ZNF618: variants seen among roughly 807,000 people sequenced by gnomAD.
ZNF618 encodes the protein zinc finger protein 618, also known as neural precursor cell expressed, developmentally down-regulated 10.
Under a neutral mutation model 103.0 loss-of-function variants are expected in ZNF618, and 34 were observed. The observed-to-expected ratio is 0.33, with a 90% CI of 0.25 to 0.44. ZNF618 has a LOEUF of 0.44. Among genes scored for constraint, ZNF618 ranks in the 20% least tolerant of loss-of-function variants. ZNF618 has a pLI of 1.00. For synonymous variants in ZNF618, 551 were observed against 542.2 expected, an observed-to-expected ratio of 1.02 and a Z score of -0.23; for missense variants, 1,059 against 1,295.4, an observed-to-expected ratio of 0.82 and a Z score of 2.80.
At chr9:113,879,466 G>T (rs1280913662) in intron 1 of ZNF618, among the ~76,000 whole-genome samples, 2 of 148,258 alleles carry the variant, frequency 1.3e-5, no homozygotes, top group African/African-American at 5.0e-5. Context: ...GTGCATGATG[G>T]TTCTATTGGG....
At chr9:113,957,127 G>A (rs760206633) in intron 1 of ZNF618, among the ~76,000 whole-genome samples, 2 of 152,154 alleles carry the variant, frequency 1.3e-5, no homozygotes, top group South Asian at 2.1e-4. Flanking sequence ...AATAAATCCC[G>A]CCGGCCGGAG....
intron 1 of ZNF618, among the ~76,000 whole-genome samples, chr9:113,962,207 G>A (rs1221786841): frequency 6.6e-6 from 1 of 152,108 alleles, no homozygotes; most frequent in Non-Finnish European, 1.5e-5. Flanking sequence ...TTGGTGCTAA[G>A]GCCCATGATT....
chr9:113,929,126 A>G (rs1403277951), intron 1 of ZNF618, among the ~76,000 whole-genome samples: 1 of 152,210 alleles, frequency 6.6e-6, no homozygotes, highest in African/African-American at 2.4e-5. Context: ...TTATTGTCTA[A>G]TCTCCACCAT....
rs761662307 is a variant in ZNF618, at chr9:114,050,021, G to A, written c.2719G>A (p.Ala907Thr). ...AAAGCACACAAAACTCGCCAAGCTC[G>A]CCTTCTGGCTCCTGGCGGTTCCGGC... is the stretch of plus-strand genomic sequence containing the variant. ...TQKHTKLAKLAFWLLAVPAVG... is the reference protein window; with the variant it reads ...TQKHTKLAKLTFWLLAVPAVG... The change falls in exon 15 of 15, where the codon GCC becomes ACC. Residue 907 changes from alanine (A) to threonine (T), a missense_variant. By Grantham distance (58) the Ala-to-Thr change is moderately conservative. Around this residue, in one of 6 missense-constraint regions of ZNF618, gnomAD observed 156 missense variants for 197.1 expected, o/e 0.79. Coordinates refer to ENST00000374126, the MANE Select transcript of ZNF618 (RefSeq NM_001318042.2). 6.2e-7 allele frequency: 1 copy of A among 1,613,874 alleles called. No individual in the cohort carries two copies. Among genetic ancestry groups the A allele is most frequent in the Non-Finnish European group, 8.5e-7 (1 of 1,179,892 alleles).
At chr9:114,032,253 C>T (rs1206101493) in intron 11 of ZNF618, among the ~76,000 whole-genome samples, 2 of 152,234 alleles carry the variant, frequency 1.3e-5, no homozygotes, top group African/African-American at 4.8e-5. Flanking sequence ...TTCGGTGGGG[C>T]CCGTGGCAGC....
intron 13 of ZNF618, among the ~76,000 whole-genome samples, chr9:114,041,834 A>T (rs1396002822): frequency 6.6e-6 from 1 of 152,104 alleles, no homozygotes; most frequent in African/African-American, 2.4e-5. Flanking sequence ...TTCTATATAA[A>T]CTTTAAAGTA....
intron 9 of ZNF618, among the ~76,000 whole-genome samples, chr9:114,014,484 T>A (rs1334167977): frequency 6.6e-6 from 1 of 152,204 alleles, no homozygotes; most frequent in Non-Finnish European, 1.5e-5. Flanking sequence ...CTCCTTTTGT[T>A]AGACTGTAAA....
intron 1 of ZNF618, among the ~76,000 whole-genome samples, chr9:113,919,907 C>T (rs531507237): frequency 3.3e-5 from 5 of 152,224 alleles, no homozygotes; most frequent in Non-Finnish European, 7.3e-5. Flanking sequence ...GCACAGCCTT[C>T]GCGTCACCCC....
intron 13 of ZNF618, among the ~76,000 whole-genome samples, chr9:114,038,751 T>A (rs544203464): frequency 6.6e-6 from 1 of 152,344 alleles, no homozygotes; most frequent in Admixed American, 6.5e-5. Context: ...CTGAGAGCTT[T>A]ACGCAGGTTA....
intron 6 of ZNF618, 100 bp downstream of exon 6, chr9:114,002,762 C>A: frequency 7.3e-7 from 1 of 1,373,962 alleles, no homozygotes; most frequent in Non-Finnish European, 1.0e-6. Context: ...CTCCAGGTGG[C>A]CTCTGAGAGA....
chr9:113,934,506 A>G (rs1221220382), intron 1 of ZNF618, among the ~76,000 whole-genome samples: 1 of 152,194 alleles, frequency 6.6e-6, no homozygotes, highest in East Asian at 1.9e-4. Context: ...TGTTCGGTTT[A>G]TGGAAAGCAC....
intron 3 of ZNF618, among the ~76,000 whole-genome samples, chr9:113,993,039 C>G (rs1840224364): frequency 6.6e-6 from 1 of 152,130 alleles, no homozygotes; most frequent in Non-Finnish European, 1.5e-5. Context: ...AGATACTAAA[C>G]TTAATAACTT....
At chr9:113,940,586 T>G (rs10448275) in intron 1 of ZNF618, among the ~76,000 whole-genome samples, 67,039 of 146,674 alleles carry the variant, frequency 0.46, 15,756 homozygotes, top group Non-Finnish European at 0.52. Context: ...TTTGGGGGGG[T>G]GGTTCTTGAT....
intron 1 of ZNF618, among the ~76,000 whole-genome samples, chr9:113,951,766 C>T (rs966716459): frequency 4.6e-5 from 7 of 151,868 alleles, no homozygotes; most frequent in African/African-American, 1.7e-4. Flanking sequence ...AAACCTTGAC[C>T]TCATGGCTAA....
chr9:113,938,855 C>T (rs553586824), intron 1 of ZNF618, among the ~76,000 whole-genome samples: 6 of 152,272 alleles, frequency 3.9e-5, no homozygotes, highest in Admixed American at 3.3e-4. Context: ...CAGGTGTGAG[C>T]CACCACATCC....
chr9:114,013,580 G>C (rs1225177638), intron 9 of ZNF618, among the ~76,000 whole-genome samples: 2 of 152,084 alleles, frequency 1.3e-5, no homozygotes, highest in African/African-American at 2.4e-5. Flanking sequence ...ACAGGCGCCC[G>C]CCACCACGCC....
chr9:113,929,256 T>C (rs1202442856), intron 1 of ZNF618, among the ~76,000 whole-genome samples: 1 of 152,162 alleles, frequency 6.6e-6, no homozygotes, highest in Non-Finnish European at 1.5e-5. Flanking sequence ...GCTAAGTCAG[T>C]TACTGTTTAA....
chr9:113,956,801 A>G (rs1194694591), intron 1 of ZNF618, among the ~76,000 whole-genome samples: 3 of 152,226 alleles, frequency 2.0e-5, no homozygotes, highest in African/African-American at 7.2e-5. Context: ...CCAAATTTTA[A>G]TAAGTGGTAG....
At chr9:113,931,965 G>T (rs1214145394) in intron 1 of ZNF618, among the ~76,000 whole-genome samples, 2 of 152,146 alleles carry the variant, frequency 1.3e-5, no homozygotes, top group East Asian at 3.9e-4. Context: ...ATTCATTTGT[G>T]AATTCATTTA....
Sources: gnomAD v4.1 joint callset for allele counts (sites outside exome capture counted in the v4.1 genomes callset) on GRCh38, gnomAD v4.1.1 for gene constraint, gnomAD v4.1.1 regional missense constraint, MANE v1.5 for transcripts, NCBI Gene and HGNC (gene_info 2026-07-23, HGNC 2026-07-21) for gene names.